The following PSD3 variants were observed in gnomAD, a reference collection of about 807,000 sequenced individuals.
PSD3 encodes PH and SEC7 domain-containing protein 3.
In PSD3, 49 loss-of-function variants were observed where a neutral mutation model predicts 105.5. That is an observed-to-expected ratio of 0.46 (90% CI 0.37 to 0.59). The LOEUF (loss-of-function observed/expected upper bound fraction) is 0.59. PSD3 is among the 20% of genes least tolerant of loss of function. The probability of loss-of-function intolerance (pLI) is 0.00; values close to 1 mark genes in which losing one functional copy is unlikely to be tolerated. For missense variants in PSD3, 1,561 were observed against 1,263.8 expected, an observed-to-expected ratio of 1.24 and a Z score of -3.57; for synonymous variants, 557 against 457.8, an observed-to-expected ratio of 1.22 and a Z score of -2.77.
intron 11 of PSD3, among the ~76,000 whole-genome samples, chr8:18,607,535 A>G (rs371803856): frequency 6.5e-4 from 99 of 152,172 alleles, no homozygotes; most frequent in African/African-American, 2.4e-3. Flanking sequence ...TGGTTTCCAT[A>G]CAGAGAAAGG....
chr8:19,059,656 T>C (rs890419371), intron 1 of PSD3, among the ~76,000 whole-genome samples: 1 of 152,246 alleles, frequency 6.6e-6, no homozygotes, highest in African/African-American at 2.4e-5. Context: ...TTAAAAAATT[T>C]CTACGTCTGT....
chr8:18,864,327 G>A lies in PSD3; in HGVS notation c.1634+3347C>T, dbSNP rs138153385. 2.1e-3 allele frequency among the ~76,000 whole-genome samples: 314 copies of A among 152,098 alleles called. 2 individuals are homozygous for A. The highest frequency in any genetic ancestry group is 7.1e-3 in the African/African-American group (293 of 41,472). ...TCTCTGTACCTCAGTTTCCTTATTC[G>A]GAAAATTAGAACACTAATAGTTCCT... On this transcript the variant is annotated intron_variant, in intron 4 of 15. Coordinates refer to ENST00000327040, the MANE Select transcript of PSD3 (RefSeq NM_015310.4).
chr8:18,774,640 A>G, intron 8 of PSD3: 1 of 380,178 alleles, frequency 2.6e-6, no homozygotes, highest in Non-Finnish European at 5.1e-6. Flanking sequence ...TTGTTCAGCC[A>G]GTGGCACATG....
intron 1 of PSD3, among the ~76,000 whole-genome samples, chr8:19,054,044 T>C (rs958919303): frequency 2.0e-5 from 3 of 152,202 alleles, no homozygotes; most frequent in Non-Finnish European, 4.4e-5. Context: ...TGACTGTAAG[T>C]TGTACTGGTA....
chr8:18,856,182 C>T (rs1414208927), intron 4 of PSD3, among the ~76,000 whole-genome samples: 1 of 152,188 alleles, frequency 6.6e-6, no homozygotes, highest in African/African-American at 2.4e-5. Context: ...CAAAATGCAG[C>T]ACCCCCACAA....
chr8:18,545,860 G>C (rs889890235), intron 15 of PSD3, among the ~76,000 whole-genome samples: 2 of 152,202 alleles, frequency 1.3e-5, no homozygotes, highest in Non-Finnish European at 1.5e-5. Context: ...TAATGGGACA[G>C]GGTCAGTTCT....
intron 2 of PSD3, among the ~76,000 whole-genome samples, chr8:18,901,842 T>G (rs1819522630): frequency 6.6e-6 from 1 of 152,174 alleles, no homozygotes; most frequent in East Asian, 1.9e-4. Context: ...GCTCTTTGAC[T>G]ATGTATCAGC....
chr8:18,714,543 T>C (rs1034445653), intron 9 of PSD3, among the ~76,000 whole-genome samples: 8 of 151,856 alleles, frequency 5.3e-5, no homozygotes, highest in African/African-American at 1.9e-4. Flanking sequence ...TCAATATCGC[T>C]AGTCATTAGA....
chr8:18,913,588 C>G (rs554764054), intron 2 of PSD3, among the ~76,000 whole-genome samples: 4 of 151,954 alleles, frequency 2.6e-5, no homozygotes, highest in Admixed American at 2.0e-4. Context: ...TTCAGCAGAC[C>G]CTGGGGCCAC....
chr8:19,043,318 A>G (rs1295779108), intron 1 of PSD3, among the ~76,000 whole-genome samples: 2 of 152,172 alleles, frequency 1.3e-5, no homozygotes, highest in Admixed American at 1.3e-4. Context: ...TTCCATACAT[A>G]CTATGATACT....
intron 1 of PSD3, among the ~76,000 whole-genome samples, chr8:19,045,022 T>C (rs2129476839): frequency 6.6e-6 from 1 of 152,138 alleles, no homozygotes; most frequent in South Asian, 2.1e-4. Flanking sequence ...CTGTCTATAC[T>C]AAAAATACAA....
intron 9 of PSD3, among the ~76,000 whole-genome samples, chr8:18,688,788 G>C (rs148605526): frequency 1.9e-3 from 293 of 152,288 alleles, no homozygotes; most frequent in African/African-American, 6.8e-3. Context: ...ATCTGGCTCT[G>C]AGGCCTTGAC....
At chr8:18,713,134 T>C (rs1276891280) in intron 9 of PSD3, among the ~76,000 whole-genome samples, 1 of 151,944 alleles carries the variant, frequency 6.6e-6, no homozygotes, top group African/African-American at 2.4e-5. Context: ...GGAACGTACC[T>C]CAAAACAATA....
intron 1 of PSD3, among the ~76,000 whole-genome samples, chr8:18,974,681 A>C (rs1298101814): frequency 6.6e-6 from 1 of 151,906 alleles, no homozygotes; most frequent in Non-Finnish European, 1.5e-5. Context: ...TCAAAAAAAA[A>C]AAACAAAAAA....
chr8:18,738,573 T>G (rs1804326422), intron 9 of PSD3, among the ~76,000 whole-genome samples: 1 of 152,212 alleles, frequency 6.6e-6, no homozygotes, highest in Admixed American at 6.5e-5. Flanking sequence ...ACATGTTAAA[T>G]TTTTAATACA....
chr8:19,078,654 C>T (rs544566488), intron 1 of PSD3, among the ~76,000 whole-genome samples: 9 of 152,008 alleles, frequency 5.9e-5, no homozygotes, highest in Admixed American at 2.0e-4. Context: ...CAATGTGAGC[C>T]GCACCTACCT....
intron 9 of PSD3, among the ~76,000 whole-genome samples, chr8:18,673,555 T>C (rs545516044): frequency 8.5e-5 from 13 of 152,162 alleles, no homozygotes; most frequent in Non-Finnish European, 1.0e-4. Flanking sequence ...CTGGCTGGTT[T>C]CTATCTCCGG....
At position 18,871,792 on chromosome 8, in the gene PSD3, CAGTT is replaced by C; in HGVS notation, c.1068_1071del (p.Thr357ArgfsTer124). ...TTCCAGGATTCATCCCAAACATTCT[CAGTT>C]AAACTACTTGAATTACACAAACCAG... is the stretch of plus-strand genomic sequence containing the variant. On this transcript the variant is annotated frameshift_variant, in exon 3 of 16. Transcript: ENST00000327040. LOFTEE classifies it high-confidence loss of function. 6.2e-7 allele frequency: 1 copy of C among 1,614,194 alleles called. No individual in the cohort carries two copies. The highest frequency in any genetic ancestry group is 8.5e-7 in the Non-Finnish European group (1 of 1,180,038).
Position 18,804,703 on chromosome 8 carries a change from C to A in PSD3, c.1829+1G>T, listed in dbSNP as rs773742199. On this transcript the variant is annotated splice_donor_variant, in intron 5 of 15. Transcript: ENST00000327040. LOFTEE classifies it high-confidence loss of function. Reference sequence around the variant, plus strand: ...GACTCCAGCAATGGGTCAGAACGTACTTCTTGCCAAGGTGTTTTGCAACAT... The same window carrying A: ...GACTCCAGCAATGGGTCAGAACGTAATTCTTGCCAAGGTGTTTTGCAACAT... 1.2e-6 allele frequency: 2 copies of A among 1,613,588 alleles called. No homozygotes were observed. The highest frequency in any genetic ancestry group is 1.7e-6 in the Non-Finnish European group (2 of 1,179,832).
Sources: gnomAD v4.1 joint callset for allele counts (sites outside exome capture counted in the v4.1 genomes callset) on GRCh38, gnomAD v4.1.1 for gene constraint, MANE v1.5 for transcripts, NCBI Gene and HGNC (gene_info 2026-07-23, HGNC 2026-07-21) for gene names.